SEZ6L: variants seen among roughly 807,000 people sequenced by gnomAD.
The protein encoded by SEZ6L is seizure 6-like protein.
In SEZ6L, 37 loss-of-function variants were observed where a neutral mutation model predicts 106.2. The observed-to-expected ratio is 0.35, with a 90% CI of 0.27 to 0.46. SEZ6L has a LOEUF of 0.46. Ranked by LOEUF, SEZ6L falls within the 20% of genes least tolerant of loss-of-function variation. The pLI, the probability that SEZ6L is intolerant of heterozygous loss-of-function variation, is 1.00. For synonymous variants in SEZ6L, 541 were observed against 570.4 expected, an observed-to-expected ratio of 0.95 and a Z score of 0.73; for missense variants, 1,172 against 1,332.8, an observed-to-expected ratio of 0.88 and a Z score of 1.88.
intron 1 of SEZ6L, among the ~76,000 whole-genome samples, chr22:26,201,572 A>C (rs1400544658): frequency 1.3e-5 from 2 of 151,970 alleles, no homozygotes; most frequent in African/African-American, 4.8e-5. Flanking sequence ...AAAATAAAAA[A>C]TAAAAATAAA....
At chr22:26,240,108 A>T (rs1046699371) in intron 1 of SEZ6L, among the ~76,000 whole-genome samples, 6 of 150,152 alleles carry the variant, frequency 4.0e-5, no homozygotes, top group African/African-American at 9.8e-5. Context: ...ACACACACAC[A>T]CACACACACA....
At chr22:26,303,514 T>A (rs188390577) in intron 5 of SEZ6L, among the ~76,000 whole-genome samples, 2 of 152,252 alleles carry the variant, frequency 1.3e-5, no homozygotes, top group Admixed American at 1.3e-4. Context: ...GACAGTGGAG[T>A]AGTGACTTCG....
Position 26,299,056 on chromosome 22 carries a change from G to A in SEZ6L, c.1235G>A (p.Gly412Asp). The A allele has an allele frequency of 1.2e-6, 2 of 1,607,834 alleles. No homozygotes were observed. The highest frequency in any genetic ancestry group is 2.2e-5 in the South Asian group (2 of 89,850). Residue 412 changes from glycine to aspartate, a missense_variant, in exon 5 of 17, where the codon GGT becomes GAT. By Grantham distance (94) the Gly-to-Asp change is moderately conservative (BLOSUM62 -1). Transcript: ENST00000248933. ...GDVTVMDLHS[G>D]GVAHFHCHLG... ...GTCACGGTGATGGACCTGCACTCAG[G>A]TGGGGTGGCCCACTTTCACTGCCAC...
intron 1 of SEZ6L, among the ~76,000 whole-genome samples, chr22:26,178,794 C>T (rs1254576436): frequency 6.6e-6 from 1 of 152,076 alleles, no homozygotes; most frequent in Non-Finnish European, 1.5e-5. Flanking sequence ...AGTCACTTAA[C>T]TCTGAGATGA....
chr22:26,362,883 G>A (rs986676521), intron 12 of SEZ6L, among the ~76,000 whole-genome samples: 4 of 152,152 alleles, frequency 2.6e-5, no homozygotes, highest in Admixed American at 2.0e-4. Flanking sequence ...ATTCCTACCC[G>A]TCCACCCACT....
At chr22:26,220,714 C>T (rs2078439527) in intron 1 of SEZ6L, among the ~76,000 whole-genome samples, 1 of 152,298 alleles carries the variant, frequency 6.6e-6, no homozygotes, top group African/African-American at 2.4e-5. Context: ...GCCTGTCCCT[C>T]CCCCATTAGA....
intron 12 of SEZ6L, among the ~76,000 whole-genome samples, chr22:26,357,625 G>A (rs1268132068): frequency 6.6e-6 from 1 of 152,152 alleles, no homozygotes; most frequent in Non-Finnish European, 1.5e-5. Flanking sequence ...GTAAGAAAGA[G>A]AAAGAATTTT....
chr22:26,294,888 T>G (rs573466154), intron 3 of SEZ6L, among the ~76,000 whole-genome samples: 47 of 140,716 alleles, frequency 3.3e-4, no homozygotes, highest in African/African-American at 1.1e-3. Context: ...TTTCTTTCTT[T>G]CTTGCTTGCT....
intron 14 of SEZ6L, 27 bp downstream of exon 14, chr22:26,373,510 AGTTC>A: frequency 6.4e-7 from 1 of 1,561,828 alleles, no homozygotes; most frequent in Admixed American, 1.8e-5. Context: ...AAAAAAAAAA[AGTTC>A]AATAAATCAA....
intron 13 of SEZ6L, among the ~76,000 whole-genome samples, chr22:26,371,497 G>A (rs1040427246): frequency 6.6e-6 from 1 of 152,088 alleles, no homozygotes; most frequent in African/African-American, 2.4e-5. Flanking sequence ...GCTGGGCATG[G>A]TGGTGTGCAC....
rs1474017037 is a variant in SEZ6L at position 26,338,839 on chromosome 22, AGCCACCAC to A, written c.2016-1593_2016-1586del. Among the ~76,000 whole-genome samples, 4 of 127,652 alleles carry A rather than the reference AGCCACCAC, an allele frequency of 3.1e-5. No individual in the cohort carries two copies. In the East Asian group the frequency reaches 8.9e-4, roughly 28 times the overall value. 83.7% of individuals were successfully genotyped at this position (127,652 alleles called of 152,430 possible). The stretch of plus-strand genomic sequence containing the variant: ...CCAAAGTGCTGGGATTATAGGCGTG[AGCCACCAC>A]GCCCGGACTTTTTTTTTTTCTTTTT... On this transcript the variant is annotated intron_variant, in intron 9 of 16. Coordinates refer to ENST00000248933, the MANE Select transcript of SEZ6L (RefSeq NM_021115.5).
chr22:26,199,251 C>T (rs555240461), intron 1 of SEZ6L, among the ~76,000 whole-genome samples: 1 of 152,274 alleles, frequency 6.6e-6, no homozygotes, highest in African/African-American at 2.4e-5. Flanking sequence ...AAATGAAGAA[C>T]CATACCCAGC....
At position 26,174,555 on chromosome 22, in the gene SEZ6L, C is replaced by T. The variant is rs888545325; in HGVS notation, c.94+4792C>T. Among the ~76,000 whole-genome samples the T allele has an allele frequency of 1.2e-4, 19 of 152,274 alleles. No homozygotes were observed. In the East Asian group the frequency reaches 2.7e-3, roughly 22 times the overall value. ...TGTCCACTAGAGGTTGTGATGACAC[C>T]GAAGGAATCTTCTCAGAAGGGAGCG... On this transcript the variant is annotated intron_variant, in intron 1 of 16. Transcript: ENST00000248933.
intron 1 of SEZ6L, among the ~76,000 whole-genome samples, chr22:26,171,926 T>A (rs1435475684): frequency 6.6e-6 from 1 of 151,990 alleles, no homozygotes; most frequent in Non-Finnish European, 1.5e-5. Context: ...TTCACCTAAC[T>A]CGTTGTTGCG....
chr22:26,249,669 T>C (rs2079501167), intron 1 of SEZ6L, among the ~76,000 whole-genome samples: 1 of 152,208 alleles, frequency 6.6e-6, no homozygotes, highest in African/African-American at 2.4e-5. Context: ...AACATACTGA[T>C]GTCCTTTCCT....
intron 1 of SEZ6L, among the ~76,000 whole-genome samples, chr22:26,231,154 C>T (rs1009109448): frequency 2.6e-5 from 4 of 152,228 alleles, no homozygotes; most frequent in Non-Finnish European, 5.9e-5. Context: ...GTGCCCAGAG[C>T]AGTAGCTCAG....
chr22:26,184,863 C>T (rs543322170), intron 1 of SEZ6L, among the ~76,000 whole-genome samples: 216 of 152,276 alleles, frequency 1.4e-3, no homozygotes, highest in Middle Eastern at 0.01. Context: ...GCAGGTGGAT[C>T]ACCTGAGGTC....
At chr22:26,266,119 G>A (rs1293942496) in intron 1 of SEZ6L, among the ~76,000 whole-genome samples, 1 of 152,196 alleles carries the variant, frequency 6.6e-6, no homozygotes, top group African/African-American at 2.4e-5. Context: ...ACGGGTGTGT[G>A]TGGAATTTAT....
chr22:26,218,294 G>T (rs1017253799), intron 1 of SEZ6L, among the ~76,000 whole-genome samples: 1 of 152,096 alleles, frequency 6.6e-6, no homozygotes, highest in African/African-American at 2.4e-5. Context: ...GTGCAGGTTT[G>T]TTACATAGGT....
Sources: gnomAD v4.1 joint callset for allele counts (sites outside exome capture counted in the v4.1 genomes callset) on GRCh38, gnomAD v4.1.1 for gene constraint, MANE v1.5 for transcripts, NCBI Gene and HGNC (gene_info 2026-07-23, HGNC 2026-07-21) for gene names.